SNX3: variants seen among roughly 807,000 people sequenced by gnomAD.
SNX3 encodes the protein sorting nexin 3.
Under a neutral mutation model 17.7 loss-of-function variants are expected in SNX3, and 5 were observed. That is an observed-to-expected ratio of 0.28 (90% confidence interval 0.15 to 0.59). SNX3 has a LOEUF of 0.59. SNX3 is among the 20% of genes least tolerant of loss of function. SNX3 has a pLI of 0.88. For missense variants in SNX3, 132 were observed against 206.8 expected (o/e 0.64, Z 2.22); for synonymous variants, 91 against 76.5 (o/e 1.19, Z -0.99).
intron 2 of SNX3, among the ~76,000 whole-genome samples, chr6:108,221,460 T>C (rs1046039643): frequency 1.1e-4 from 15 of 139,532 alleles, no homozygotes; most frequent in African/African-American, 3.9e-4. Flanking sequence ...AAAATGTTTA[T>C]AAAATAAAAA....
intron 2 of SNX3, among the ~76,000 whole-genome samples, chr6:108,222,586 A>T (rs1418079286): frequency 1.3e-5 from 2 of 151,688 alleles, no homozygotes; most frequent in Non-Finnish European, 2.9e-5. Flanking sequence ...TCACTAAAAC[A>T]AAATTGGAAA....
chr6:108,218,790 A>G (rs1393258628), intron 2 of SNX3, among the ~76,000 whole-genome samples: 1 of 152,264 alleles, frequency 6.6e-6, no homozygotes, highest in Admixed American at 6.5e-5. Flanking sequence ...CCATTTACAT[A>G]TGCCCAGAAT....
At chr6:108,245,256 C>T (rs1224561422) in intron 1 of SNX3, among the ~76,000 whole-genome samples, 1 of 152,094 alleles carries the variant, frequency 6.6e-6, no homozygotes, top group Non-Finnish European at 1.5e-5. Context: ...TGATAGTTTC[C>T]AGTTTCATCC....
intron 1 of SNX3, among the ~76,000 whole-genome samples, chr6:108,258,863 A>T (rs1215110533): frequency 1.4e-5 from 2 of 147,758 alleles, no homozygotes; most frequent in Non-Finnish European, 3.0e-5. Flanking sequence ...TAGGTGTATT[A>T]AAAAAAAAAG....
intron 1 of SNX3, among the ~76,000 whole-genome samples, chr6:108,226,046 CAAAAAAAAAAAAAA>C (rs35559458): frequency 1.6e-5 from 1 of 63,236 alleles, no homozygotes; most frequent in African/African-American, 5.9e-5. Flanking sequence ...CCCTCTCTCT[CAAAAAAAAAAAAAA>C]AAAAAAAAAG....
In SNX3 at chr6:108,215,553, C is replaced by T. The variant is rs217131; in HGVS notation, c.259-931G>A. On this transcript the variant is annotated intron_variant, in intron 2 of 3. Transcript: ENST00000230085. ...CAAAGACCTGTCATTTCTCCCTTCT[C>T]GCACTATAGGAAGATCCCAAATTTT... is the stretch of plus-strand genomic sequence containing the variant. Among the ~76,000 whole-genome samples the T allele has an allele frequency of 6.9e-3, 1,046 of 152,212 alleles. 13 individuals are homozygous for T. The highest frequency in any genetic ancestry group is 0.024 in the African/African-American group (1,002 of 41,536).
At chr6:108,234,001 ATGGTGCATCAGGCAGCT>A (rs1775247761) in intron 1 of SNX3, among the ~76,000 whole-genome samples, 1 of 152,078 alleles carries the variant, frequency 6.6e-6, no homozygotes, top group South Asian at 2.1e-4. Flanking sequence ...GCTTCTACAT[ATGGTGCATCAGGCAGCT>A]ATGGACTACA....
At chr6:108,247,304 A>G (rs1395414164) in intron 1 of SNX3, among the ~76,000 whole-genome samples, 1 of 152,120 alleles carries the variant, frequency 6.6e-6, no homozygotes, top group Non-Finnish European at 1.5e-5. Flanking sequence ...GTGAAAATGG[A>G]GTAAGACAGG....
chr6:108,225,198 C>T (rs988244033), intron 1 of SNX3, among the ~76,000 whole-genome samples: 9 of 152,122 alleles, frequency 5.9e-5, no homozygotes, highest in African/African-American at 9.7e-5. Flanking sequence ...AGGAGAATGG[C>T]GTGAACTCAG....
chr6:108,246,055 G>C (rs1193140581), intron 1 of SNX3, among the ~76,000 whole-genome samples: 1 of 152,040 alleles, frequency 6.6e-6, no homozygotes, highest in East Asian at 1.9e-4. Context: ...TTTTCTTCTA[G>C]GGTTTTTATG....
At chr6:108,225,736 C>T (rs1487091433) in intron 1 of SNX3, among the ~76,000 whole-genome samples, 2 of 151,650 alleles carry the variant, frequency 1.3e-5, no homozygotes, top group Non-Finnish European at 2.9e-5. Context: ...AGTATTTTAT[C>T]ATTAAGAATA....
Position 108,238,751 on chromosome 6 carries a change from G to A in SNX3, c.163-15706C>T, listed in dbSNP as rs562846268. 2.0e-5 allele frequency among the ~76,000 whole-genome samples: 3 copies of A among 152,288 alleles called. No individual in the cohort carries two copies. In the East Asian group the frequency reaches 5.8e-4, roughly 29 times the overall value. ...GCTGTATCTTACAGAAACACACAAA[G>A]TTCAAATAATTGGTATATCACTTTT... On this transcript the variant is annotated intron_variant, in intron 1 of 3. Transcript: ENST00000230085.
rs561954397 is a variant in SNX3 at position 108,231,774 on chromosome 6, T to C, written c.163-8729A>G. ...TATCAGACCACAAAATAAACTCTGC[T>C]TCTTAGAGAATTCACATTTTTAGGT... On this transcript the variant is annotated intron_variant, in intron 1 of 3. Coordinates refer to ENST00000230085, the MANE Select transcript of SNX3 (RefSeq NM_003795.6). Among the ~76,000 whole-genome samples, 9 of 152,382 alleles carry C rather than the reference T, an allele frequency of 5.9e-5. No individual in the cohort carries two copies. The South Asian group carries it at 1.9e-3, about 32-fold the overall frequency.
chr6:108,250,053 G>A (rs913589792), intron 1 of SNX3, among the ~76,000 whole-genome samples: 1 of 152,106 alleles, frequency 6.6e-6, no homozygotes, highest in East Asian at 1.9e-4. Flanking sequence ...TGGGACTAGA[G>A]GGGCACGCCA....
At chr6:108,223,210 C>G (rs1774861670) in intron 1 of SNX3, among the ~76,000 whole-genome samples, 165 bp from the exon 2 acceptor site, 1 of 152,188 alleles carries the variant, frequency 6.6e-6, no homozygotes, top group Non-Finnish European at 1.5e-5. Flanking sequence ...ACGATCTCGG[C>G]TCACTGCAAA....
chr6:108,236,378 ATTTTTTTT>A (rs1184591793), intron 1 of SNX3, among the ~76,000 whole-genome samples: 4 of 133,432 alleles, frequency 3.0e-5, no homozygotes, highest in South Asian at 2.3e-4. Flanking sequence ...TATTATTATT[ATTTTTTTT>A]TTTTTTTTTT....
At chr6:108,215,349 G>GAA (rs1345107306) in intron 2 of SNX3, among the ~76,000 whole-genome samples, 20 of 95,844 alleles carry the variant, frequency 2.1e-4, no homozygotes, top group African/African-American at 4.8e-4. Context: ...ACTCCGTCTA[G>GAA]AAAAAAAAAA....
intron 1 of SNX3, among the ~76,000 whole-genome samples, chr6:108,247,070 G>A (rs1484456729): frequency 6.6e-6 from 1 of 152,132 alleles, no homozygotes; most frequent in African/African-American, 2.4e-5. Context: ...GTTCCCCTAT[G>A]CTCTTCTCGT....
At position 108,260,760 on chromosome 6, in the gene SNX3, C is replaced by G; in HGVS notation, c.162G>C (p.Lys54Asn). 1 of 1,613,740 alleles carries G rather than the reference C, an allele frequency of 6.2e-7. No homozygotes were observed. The highest frequency in any genetic ancestry group is 8.5e-7 in the Non-Finnish European group (1 of 1,179,794). Reference protein sequence around the residue: ...GRFTTYEIRVKTNLPIFKLKE... With the variant: ...GRFTTYEIRVNTNLPIFKLKE... ...TGGGAGAGGGGAGAGACGGCCTCAC[C>G]TTGACCCTGATTTCGTAAGTGGTGA... is the stretch of plus-strand genomic sequence containing the variant. Residue 54 changes from lysine (K) to asparagine (N), a missense_variant and splice_region_variant, in exon 1 of 4, where the codon AAG becomes AAC. Lys to Asn is a moderately conservative substitution (Grantham distance 94). Around this residue, in one of 2 missense-constraint regions of SNX3, gnomAD observed 78 missense variants for 88.8 expected, o/e 0.88. Transcript: ENST00000230085.
Sources: allele counts gnomAD v4.1 joint callset (sites outside exome capture counted in the v4.1 genomes callset), GRCh38; gene constraint gnomAD v4.1.1; regional missense constraint gnomAD v4.1.1; transcripts MANE v1.5; gene names NCBI Gene and HGNC (gene_info 2026-07-23, HGNC 2026-07-21).